ZNF385D: variants seen among roughly 807,000 people sequenced by gnomAD.
ZNF385D encodes zinc finger protein 659.
ZNF385D carries 15 observed loss-of-function variants against 35.8 expected under a neutral mutation model. That is an observed-to-expected ratio of 0.42 (90% confidence interval 0.28 to 0.64). The LOEUF (loss-of-function observed/expected upper bound fraction) is 0.64. Ranked by LOEUF, ZNF385D falls within the 30% of genes least tolerant of loss-of-function variation. ZNF385D has a pLI of 0.23. For missense variants in ZNF385D, 474 were observed against 494.6 expected (o/e 0.96, Z 0.39); for synonymous variants, 212 against 186.8 (o/e 1.13, Z -1.10).
chr3:22,309,113 G>T (rs916544723), intron 2 of ZNF385D, among the ~76,000 whole-genome samples: 4 of 151,896 alleles, frequency 2.6e-5, no homozygotes, highest in African/African-American at 9.7e-5. Context: ...TTCCACTAAC[G>T]AATTTAAAAC....
At chr3:21,428,781 C>A (rs775388158) in intron 5 of ZNF385D, among the ~76,000 whole-genome samples, 43 of 152,056 alleles carry the variant, frequency 2.8e-4, no homozygotes, top group Non-Finnish European at 5.4e-4. Context: ...AGGAGAGACT[C>A]TGCAAGGAGC....
chr3:21,882,424 A>AGC (rs377470056), intron 3 of ZNF385D, among the ~76,000 whole-genome samples: 2 of 151,418 alleles, frequency 1.3e-5, no homozygotes, highest in Non-Finnish European at 3.0e-5. Context: ...TGAGATATAA[A>AGC]ACATTGTTGT....
At chr3:21,711,937 C>A (rs543969896) in intron 1 of ZNF385D, among the ~76,000 whole-genome samples, 1 of 152,180 alleles carries the variant, frequency 6.6e-6, no homozygotes, top group Non-Finnish European at 1.5e-5. Flanking sequence ...AAAAAACACA[C>A]AATTATGTAA....
chr3:21,769,590 T>C (rs151015634), intron 3 of ZNF385D, among the ~76,000 whole-genome samples: 3,183 of 60,284 alleles, frequency 0.053, 176 homozygotes, highest in East Asian at 0.16. Flanking sequence ...TAAAAGAGGA[T>C]ACAAACAAAT....
intron 3 of ZNF385D, among the ~76,000 whole-genome samples, chr3:21,545,298 A>C (rs1430229481): frequency 2.6e-5 from 4 of 152,196 alleles, no homozygotes; most frequent in Non-Finnish European, 5.9e-5. Context: ...ACATTGGAAT[A>C]AAGGAAAATG....
chr3:22,064,475 A>G (rs1437752480), intron 3 of ZNF385D, among the ~76,000 whole-genome samples: 3 of 151,994 alleles, frequency 2.0e-5, no homozygotes, highest in African/African-American at 2.4e-5. Flanking sequence ...GGCCAAAGTG[A>G]TATCTGTATT....
intron 3 of ZNF385D, among the ~76,000 whole-genome samples, chr3:22,019,775 T>A (rs527659325): frequency 2.0e-5 from 3 of 151,944 alleles, no homozygotes; most frequent in Admixed American, 6.6e-5. Context: ...CTGCGGGAAC[T>A]GGGGAAAAAT....
chr3:22,131,577 G>A (rs1056232825), intron 3 of ZNF385D, among the ~76,000 whole-genome samples: 2 of 152,096 alleles, frequency 1.3e-5, no homozygotes, highest in Admixed American at 1.3e-4. Flanking sequence ...AACTGTTACA[G>A]GATGGAATGG....
chr3:22,254,161 A>T (rs1055768550), intron 2 of ZNF385D, among the ~76,000 whole-genome samples: 1 of 151,904 alleles, frequency 6.6e-6, no homozygotes, highest in Non-Finnish European at 1.5e-5. Context: ...GAGAAAGGGA[A>T]ATTCTCCTTT....
At chr3:22,094,393 T>TAC (rs1701497055) in intron 3 of ZNF385D, among the ~76,000 whole-genome samples, 3 of 145,740 alleles carry the variant, frequency 2.1e-5, no homozygotes, top group Non-Finnish European at 3.0e-5. Context: ...TTGATATATA[T>TAC]ATATATATAT....
chr3:21,443,096 T>C, intron 4 of ZNF385D: 1 of 982,506 alleles, frequency 1.0e-6, no homozygotes, highest in Non-Finnish European at 1.2e-6. Flanking sequence ...AGAAAGTGCT[T>C]TAAACGGCCT....
intron 3 of ZNF385D, among the ~76,000 whole-genome samples, chr3:22,111,185 T>TG (rs796380202): frequency 3.3e-5 from 4 of 122,134 alleles, no homozygotes; most frequent in South Asian, 2.8e-4. Context: ...TTGTTTTTTT[T>TG]GTACTCTCAG....
At position 21,465,899 on chromosome 3, in the gene ZNF385D, C is replaced by A. The variant is rs1480652294; in HGVS notation, c.440-28696G>T. ...TCCATCACACCTCAGGATACAGGAG[C>A]TGCCGTGAGCACAAATAGAGATGCT... is the stretch of plus-strand genomic sequence containing the variant. On this transcript the variant is annotated intron_variant, in intron 4 of 7. Transcript: ENST00000281523. This position sits in a 1 kb window ranked among gnomAD's most constrained non-coding sequence, Gnocchi z 4.2. Among the ~76,000 whole-genome samples the A allele has an allele frequency of 2.6e-5, 4 of 152,184 alleles. No homozygotes were observed. In the East Asian group the frequency reaches 7.7e-4, roughly 29 times the overall value.
chr3:21,804,501 A>C (rs2072546881), intron 3 of ZNF385D, among the ~76,000 whole-genome samples: 1 of 152,154 alleles, frequency 6.6e-6, no homozygotes, highest in Admixed American at 6.5e-5. Flanking sequence ...GATGATTCAA[A>C]AGCAGAGGGA....
intron 3 of ZNF385D, among the ~76,000 whole-genome samples, chr3:21,858,971 A>G (rs892473615): frequency 1.3e-5 from 2 of 152,100 alleles, no homozygotes; most frequent in Non-Finnish European, 2.9e-5. Flanking sequence ...AGATATATAG[A>G]AACTGATTTG....
chr3:21,473,588 A>C (rs1014478584), intron 4 of ZNF385D, among the ~76,000 whole-genome samples: 2 of 151,950 alleles, frequency 1.3e-5, no homozygotes, highest in Non-Finnish European at 2.9e-5. Flanking sequence ...GAGTTTTTCT[A>C]CTGAACCTGT....
intron 2 of ZNF385D, among the ~76,000 whole-genome samples, chr3:21,589,207 G>C (rs1001985659): frequency 6.6e-6 from 1 of 152,156 alleles, no homozygotes; most frequent in Admixed American, 6.6e-5. Context: ...TAGAGAAAAA[G>C]GCTGAAGGAA....
intron 2 of ZNF385D, among the ~76,000 whole-genome samples, chr3:22,208,853 G>C (rs973675952): frequency 1.3e-5 from 2 of 151,894 alleles, no homozygotes; most frequent in Non-Finnish European, 2.9e-5. Context: ...ATAGAATTGA[G>C]TCATAGTCCT....
intron 4 of ZNF385D, among the ~76,000 whole-genome samples, chr3:21,448,136 T>C (rs547883211): frequency 2.5e-4 from 38 of 152,230 alleles, no homozygotes; most frequent in South Asian, 1.0e-3. Context: ...AACACATTGC[T>C]CAGACATCTA....
Sources: allele counts gnomAD v4.1 joint callset (sites outside exome capture counted in the v4.1 genomes callset), GRCh38; gene constraint gnomAD v4.1.1; non-coding constraint Gnocchi (gnomAD v3.1); transcripts MANE v1.5; gene names NCBI Gene and HGNC (gene_info 2026-07-23, HGNC 2026-07-21).